Variants in PCDH11X observed in about 807,000 individuals in gnomAD.
PCDH11X encodes the protein protocadherin 11 X-linked, also known as protocadherin-11 X-linked.
PCDH11X carries 18 observed loss-of-function variants against 53.3 expected under a neutral mutation model. The ratio of observed to expected loss-of-function variants is 0.34; its 90% CI spans 0.23 to 0.50. The LOEUF is 0.50. Ranked by LOEUF, PCDH11X falls within the 20% of genes least tolerant of loss-of-function variation. The pLI, the probability that PCDH11X is intolerant of heterozygous loss-of-function variation, is 0.98. For missense variants in PCDH11X, 570 were observed against 1,032.4 expected (o/e 0.55, Z 6.14); for synonymous variants, 279 against 393.3 (o/e 0.71, Z 3.44).
intron 10 of PCDH11X, among the ~76,000 whole-genome samples, chrX:92,511,887 A>G (rs1211101049): frequency 9.1e-6 from 1 of 109,573 alleles, no homozygotes; most frequent in African/African-American, 3.3e-5. Flanking sequence ...GCCTAAGGGT[A>G]TAACAGCTCT....
chrX:92,607,684 G>A (rs1324903239), intron 10 of PCDH11X, among the ~76,000 whole-genome samples: 5 of 111,603 alleles, frequency 4.5e-5, no homozygotes, highest in African/African-American at 1.6e-4. Flanking sequence ...AAATGACTTT[G>A]CATCAATTTC....
At chrX:92,487,583 A>G (rs2073672160) in intron 10 of PCDH11X, among the ~76,000 whole-genome samples, 1 of 111,160 alleles carries the variant, frequency 9.0e-6, no homozygotes, top group South Asian at 3.8e-4. Context: ...TAAATCTTCC[A>G]TTAGAAATTC....
At chrX:92,395,026 G>T (rs1274130347) in intron 9 of PCDH11X, among the ~76,000 whole-genome samples, 1 of 111,163 alleles carries the variant, frequency 9.0e-6, no homozygotes, top group Non-Finnish European at 1.9e-5. Context: ...GCTCAATAGA[G>T]AATAGAATAG....
At chrX:92,434,432 C>T (rs1200206894) in intron 9 of PCDH11X, among the ~76,000 whole-genome samples, 1 of 109,898 alleles carries the variant, frequency 9.1e-6, no homozygotes, top group Non-Finnish European at 1.9e-5. Flanking sequence ...AATATGTTTA[C>T]TCATAATGAA....
intron 10 of PCDH11X, among the ~76,000 whole-genome samples, chrX:92,560,243 G>A (rs2075112993): frequency 9.1e-6 from 1 of 109,958 alleles, no homozygotes; most frequent in South Asian, 4.0e-4. Flanking sequence ...GAAGGAACCA[G>A]TTCTGGCAGT....
intron 6 of PCDH11X, among the ~76,000 whole-genome samples, chrX:91,909,160 G>A (rs1941291107): frequency 9.0e-6 from 1 of 110,763 alleles, no homozygotes; most frequent in Non-Finnish European, 1.9e-5. Flanking sequence ...GAAATGTTTT[G>A]CTCCAAAACG....
At chrX:92,433,002 A>C (rs1258995270) in intron 9 of PCDH11X, among the ~76,000 whole-genome samples, 1 of 110,835 alleles carries the variant, frequency 9.0e-6, no homozygotes, top group Non-Finnish European at 1.9e-5. Context: ...CCATTAATAT[A>C]AATCTGGACT....
At chrX:92,417,820 ATTTTTTT>A (rs61034265) in intron 9 of PCDH11X, among the ~76,000 whole-genome samples, 2 of 67,557 alleles carry the variant, frequency 3.0e-5, no homozygotes, top group Non-Finnish European at 5.2e-5. Flanking sequence ...CTTTTCTTCC[ATTTTTTT>A]TTTTTTTTTT....
chrX:92,475,613 T>A (rs1312815298), intron 10 of PCDH11X, among the ~76,000 whole-genome samples: 14 of 112,090 alleles, frequency 1.2e-4, no homozygotes, highest in African/African-American at 4.5e-4. Context: ...ATCCTTTCTT[T>A]ATTTTTGACC....
chrX:92,536,761 G>A (rs767005756), intron 10 of PCDH11X, among the ~76,000 whole-genome samples: 3 of 103,560 alleles, frequency 2.9e-5, no homozygotes, highest in South Asian at 9.4e-4. Flanking sequence ...GGGATCAAGC[G>A]ATCTCCCTGT....
intron 8 of PCDH11X, among the ~76,000 whole-genome samples, chrX:92,320,426 C>T (rs1029978589): frequency 2.7e-5 from 3 of 110,658 alleles, no homozygotes; most frequent in Admixed American, 9.7e-5. Flanking sequence ...CTCTCTCTCT[C>T]TCTCTGTCAC....
chrX:92,395,361 G>A (rs1332587848), intron 9 of PCDH11X, among the ~76,000 whole-genome samples: 1 of 110,573 alleles, frequency 9.0e-6, no homozygotes, highest in Non-Finnish European at 1.9e-5. Context: ...TTTTTATTGC[G>A]GTAATTCTTT....
chrX:91,939,892 CAAAG>C (rs1464533562), intron 6 of PCDH11X, among the ~76,000 whole-genome samples: 3 of 111,225 alleles, frequency 2.7e-5, no homozygotes, highest in African/African-American at 9.8e-5. Flanking sequence ...CATACAAAAA[CAAAG>C]AATAACACTA....
intron 8 of PCDH11X, among the ~76,000 whole-genome samples, chrX:92,276,682 T>C (rs2068100547): frequency 9.0e-6 from 1 of 111,716 alleles, no homozygotes; most frequent in Non-Finnish European, 1.9e-5. Context: ...GAAGGTGAGG[T>C]TAATCAAGTC....
intron 6 of PCDH11X, among the ~76,000 whole-genome samples, chrX:91,982,286 G>A (rs1407765932): frequency 1.9e-5 from 2 of 107,289 alleles, no homozygotes; most frequent in African/African-American, 6.8e-5. Context: ...ATCAGTTAGG[G>A]TTAGGAAACC....
chrX:92,253,697 G>A (rs2067504514), intron 7 of PCDH11X, among the ~76,000 whole-genome samples: 1 of 111,117 alleles, frequency 9.0e-6, no homozygotes, highest in Non-Finnish European at 1.9e-5. Context: ...TTTTATGTGT[G>A]GCTATTGTAA....
chrX:92,114,073 G>A, intron 6 of PCDH11X: 4 of 1,170,327 alleles, frequency 3.4e-6, no homozygotes, highest in South Asian at 3.6e-5. Flanking sequence ...GGCATGACAG[G>A]AGGCACCCAT....
intron 6 of PCDH11X, among the ~76,000 whole-genome samples, chrX:92,144,731 T>C (rs1163785103): frequency 9.1e-6 from 1 of 110,313 alleles, no homozygotes; most frequent in East Asian, 2.9e-4. Flanking sequence ...TAGGTTTACA[T>C]AATTTAGCTC....
At chrX:92,288,794 C>T (rs1269801927) in intron 8 of PCDH11X, among the ~76,000 whole-genome samples, 2 of 108,705 alleles carry the variant, frequency 1.8e-5, no homozygotes, top group Non-Finnish European at 1.9e-5. Flanking sequence ...GGTTTTATAT[C>T]ATCCCAGTAA....
Sources: allele counts gnomAD v4.1 joint callset (sites outside exome capture counted in the v4.1 genomes callset), GRCh38; gene constraint gnomAD v4.1.1; transcripts MANE v1.5; gene names NCBI Gene and HGNC (gene_info 2026-07-23, HGNC 2026-07-21).